RAB1A: variants seen among roughly 807,000 people sequenced by gnomAD.
The protein encoded by RAB1A is ras-related protein Rab-1A.
Under a neutral mutation model 26.0 loss-of-function variants are expected in RAB1A, and 2 were observed. The observed-to-expected ratio is 0.08, with a 90% confidence interval of 0.03 to 0.24. The LOEUF is 0.24. Among genes scored for constraint, RAB1A ranks in the 10% least tolerant of loss-of-function variants. The pLI is 1.00. For synonymous variants in RAB1A, 84 were observed against 84.9 expected, an observed-to-expected ratio of 0.99 and a Z score of 0.06; for missense variants, 100 against 247.0, an observed-to-expected ratio of 0.40 and a Z score of 3.99.
chr2:65,123,919 A>G (rs1670033227), intron 1 of RAB1A, among the ~76,000 whole-genome samples: 2 of 151,968 alleles, frequency 1.3e-5, no homozygotes, highest in African/African-American at 4.8e-5. Flanking sequence ...AAACTAAACT[A>G]AAATATTTGA....
intron 3 of RAB1A, 122 bp from the exon 4 acceptor site, chr2:65,091,200 A>C (rs1216525222): frequency 2.8e-6 from 2 of 709,468 alleles, no homozygotes; most frequent in African/African-American, 3.5e-5. Context: ...TGTGATATAG[A>C]AACATTAGTC....
intron 1 of RAB1A, among the ~76,000 whole-genome samples, chr2:65,127,144 C>A (rs1482525019): frequency 1.3e-5 from 2 of 152,138 alleles, no homozygotes; most frequent in Admixed American, 1.3e-4. Context: ...GGTTTGATCC[C>A]TTTGAGGTCA....
chr2:65,116,177 T>TAAAATA (rs888998237), intron 1 of RAB1A, among the ~76,000 whole-genome samples: 4 of 151,634 alleles, frequency 2.6e-5, no homozygotes, highest in African/African-American at 7.3e-5. Context: ...ATAAATTAAA[T>TAAAATA]AAAATAAAAA....
chr2:65,111,892 T>G (rs1669706483), intron 1 of RAB1A, among the ~76,000 whole-genome samples: 1 of 152,060 alleles, frequency 6.6e-6, no homozygotes, highest in Admixed American at 6.6e-5. Context: ...GAGACCAGCC[T>G]GGCCAACATG....
intron 1 of RAB1A, among the ~76,000 whole-genome samples, chr2:65,121,076 C>G (rs1397881540): frequency 6.6e-6 from 1 of 151,550 alleles, no homozygotes; most frequent in Admixed American, 6.6e-5. Flanking sequence ...GGCAACATAG[C>G]GACATCTCAT....
chr2:65,097,575 G>A lies in RAB1A; in HGVS notation c.192+396C>T, dbSNP rs143377322. ...ACTACATAAGTACTTCTCTTCAACTGAGCCACATATGAAGAATCTCTTCCT... is the reference window on the plus strand; with the variant it reads ...ACTACATAAGTACTTCTCTTCAACTAAGCCACATATGAAGAATCTCTTCCT... On this transcript the variant is annotated intron_variant, in intron 3 of 5. Transcript: ENST00000409784. Among the ~76,000 whole-genome samples, 4 of 152,228 alleles carry A rather than the reference G, an allele frequency of 2.6e-5. No individual in the cohort carries two copies. The East Asian group carries it at 7.7e-4, about 29-fold the overall frequency.
intron 1 of RAB1A, among the ~76,000 whole-genome samples, chr2:65,127,141 T>C (rs1670118471): frequency 6.6e-6 from 1 of 152,194 alleles, no homozygotes; most frequent in Admixed American, 6.5e-5. Context: ...CTGGGTTTGA[T>C]CCCTTTGAGG....
chr2:65,101,793 AGG>A (rs1027128936), intron 2 of RAB1A, among the ~76,000 whole-genome samples: 1 of 115,888 alleles, frequency 8.6e-6, no homozygotes, highest in Non-Finnish European at 1.6e-5. Flanking sequence ...CTTGTTGCCC[AGG>A]CTGGAGTGCA....
intron 3 of RAB1A, among the ~76,000 whole-genome samples, chr2:65,096,732 A>G (rs527719840): frequency 1.3e-5 from 2 of 152,328 alleles, no homozygotes; most frequent in East Asian, 3.9e-4. Context: ...TACTTATATC[A>G]ATATCCACAG....
chr2:65,099,786 T>G (rs1669374821), intron 2 of RAB1A, among the ~76,000 whole-genome samples: 1 of 152,114 alleles, frequency 6.6e-6, no homozygotes, highest in African/African-American at 2.4e-5. Flanking sequence ...TTTTTCAATT[T>G]TAATTAATTT....
intron 3 of RAB1A, among the ~76,000 whole-genome samples, chr2:65,096,395 G>C (rs1467514596): frequency 6.6e-6 from 1 of 152,102 alleles, no homozygotes; most frequent in East Asian, 1.9e-4. Context: ...AAAGATGAAA[G>C]ACAGACAAAG....
intron 1 of RAB1A, among the ~76,000 whole-genome samples, chr2:65,117,806 A>G (rs560987297): frequency 6.6e-6 from 1 of 151,594 alleles, no homozygotes; most frequent in East Asian, 1.9e-4. Flanking sequence ...CCTGAGCTCA[A>G]GTGATTTACC....
At chr2:65,123,169 ATT>A (rs571655114) in intron 1 of RAB1A, among the ~76,000 whole-genome samples, 4,777 of 135,942 alleles carry the variant, frequency 0.035, 257 homozygotes, top group African/African-American at 0.12. Context: ...ACATACGTAA[ATT>A]TTTTTTTTTT....
chr2:65,114,468 G>T (rs1669777359), intron 1 of RAB1A, among the ~76,000 whole-genome samples: 1 of 152,118 alleles, frequency 6.6e-6, no homozygotes, highest in Non-Finnish European at 1.5e-5. Flanking sequence ...ATCTAGAATG[G>T]ATTCATTTGC....
At chr2:65,095,428 C>T (rs1439174551) in intron 3 of RAB1A, among the ~76,000 whole-genome samples, 1 of 151,908 alleles carries the variant, frequency 6.6e-6, no homozygotes, top group Non-Finnish European at 1.5e-5. Flanking sequence ...TGCCTCACTG[C>T]AGCCTTGAAG....
At chr2:65,116,906 C>T (rs1348827856) in intron 1 of RAB1A, among the ~76,000 whole-genome samples, 1 of 152,230 alleles carries the variant, frequency 6.6e-6, no homozygotes, top group African/African-American at 2.4e-5. Context: ...CATAGAAAGA[C>T]ATCCATGACC....
chr2:65,119,840 A>AC (rs201667812), intron 1 of RAB1A, among the ~76,000 whole-genome samples: 2,864 of 87,112 alleles, frequency 0.033, 136 homozygotes, highest in African/African-American at 0.07. Flanking sequence ...TCCTGTCTCT[A>AC]CAAAAAAAAA....
chr2:65,121,399 T>C (rs73936426), intron 1 of RAB1A, among the ~76,000 whole-genome samples: 6,056 of 152,214 alleles, frequency 0.04, 388 homozygotes, highest in African/African-American at 0.14. Flanking sequence ...TCTACAAGCA[T>C]AGAACACAGT....
intron 1 of RAB1A, among the ~76,000 whole-genome samples, chr2:65,108,173 C>T (rs1669607322): frequency 6.6e-6 from 1 of 151,636 alleles, no homozygotes; most frequent in Non-Finnish European, 1.5e-5. Flanking sequence ...ACCAGCCAGG[C>T]CAACACGATG....
Sources: allele counts gnomAD v4.1 joint callset (sites outside exome capture counted in the v4.1 genomes callset), GRCh38; gene constraint gnomAD v4.1.1; transcripts MANE v1.5; gene names NCBI Gene and HGNC (gene_info 2026-07-23, HGNC 2026-07-21).